DENND5A: variants seen among roughly 807,000 people sequenced by gnomAD.
DENND5A encodes the protein DENN domain containing 5A, also known as DENN domain-containing protein 5A.
In DENND5A, 64 loss-of-function variants were observed where a neutral mutation model predicts 140.3. The ratio of observed to expected loss-of-function variants is 0.46; its 90% CI spans 0.37 to 0.56. The LOEUF is 0.56. Among genes scored for constraint, DENND5A ranks in the 20% least tolerant of loss-of-function variants. The pLI is 0.00. For missense variants in DENND5A, 1,292 were observed against 1,593.8 expected (o/e 0.81, Z 3.22); for synonymous variants, 605 against 607.7 (o/e 1.00, Z 0.07).
intron 21 of DENND5A, 38 bp from the exon 22 acceptor site, chr11:9,142,146 T>C: frequency 6.5e-7 from 1 of 1,534,134 alleles, no homozygotes; most frequent in Non-Finnish European, 8.8e-7. Flanking sequence ...GAAAAGGCTC[T>C]CAACACCAAC....
intron 1 of DENND5A, among the ~76,000 whole-genome samples, chr11:9,258,277 TCCCCC>T: frequency 7.3e-6 from 1 of 136,730 alleles, no homozygotes; most frequent in Non-Finnish European, 1.6e-5. Context: ...CCTCCCCTAG[TCCCCC>T]ACCCCCCCAA....
intron 5 of DENND5A, 73 bp from the exon 6 acceptor site, chr11:9,181,157 T>C (rs1329441087): frequency 2.8e-6 from 4 of 1,408,532 alleles, no homozygotes; most frequent in Admixed American, 2.4e-5. Context: ...GAAAGGTTAG[T>C]GAACAAGAGG....
At chr11:9,244,877 G>A (rs924963706) in intron 1 of DENND5A, among the ~76,000 whole-genome samples, 38 of 151,534 alleles carry the variant, frequency 2.5e-4, no homozygotes, top group African/African-American at 8.2e-4. Flanking sequence ...GGGTTTCGCC[G>A]TGTTGCCGGG....
intron 1 of DENND5A, 136 bp downstream of exon 1, chr11:9,264,825 C>T: frequency 1.4e-6 from 1 of 707,314 alleles, no homozygotes; most frequent in South Asian, 1.8e-5. Flanking sequence ...AAGCCCCCTT[C>T]GCCCGCGCCC....
At chr11:9,259,215 G>A (rs373844749) in intron 1 of DENND5A, among the ~76,000 whole-genome samples, 6 of 151,880 alleles carry the variant, frequency 4.0e-5, no homozygotes, top group East Asian at 1.9e-4. Context: ...AGCTGAGGTC[G>A]TGCCATTGCA....
intron 1 of DENND5A, among the ~76,000 whole-genome samples, chr11:9,240,757 C>T (rs566221990): frequency 7.9e-5 from 12 of 151,870 alleles, no homozygotes; most frequent in Admixed American, 7.2e-4. Flanking sequence ...TGCCTTGTTT[C>T]AGTGTGCCTG....
chr11:9,222,933 A>G (rs1193004811), intron 1 of DENND5A, among the ~76,000 whole-genome samples: 3 of 152,238 alleles, frequency 2.0e-5, no homozygotes, highest in Non-Finnish European at 4.4e-5. Flanking sequence ...AGACATAGCT[A>G]TTAACTGCTA....
intron 7 of DENND5A, 63 bp from the exon 8 acceptor site, chr11:9,178,429 G>T: frequency 2.0e-6 from 2 of 993,612 alleles, no homozygotes; most frequent in Non-Finnish European, 3.1e-6. Flanking sequence ...GTGCCCAAGG[G>T]ATCCAGTAGG....
chr11:9,243,873 G>A (rs1403219750), intron 1 of DENND5A, among the ~76,000 whole-genome samples: 2 of 152,062 alleles, frequency 1.3e-5, no homozygotes, highest in Admixed American at 6.6e-5. Flanking sequence ...GCGACAGAAC[G>A]AGACTCCATC....
Position 9,203,847 on chromosome 11 carries a change from T to C in DENND5A, c.762A>G (p.Pro254=). The C allele has an allele frequency of 6.2e-7, 1 of 1,613,892 alleles. No homozygotes were observed. Among genetic ancestry groups the C allele is most frequent in the Non-Finnish European group, 8.5e-7 (1 of 1,179,978 alleles). The part of the protein sequence containing the change: ...IYNVLYEVPL[P]PPGRSLKFSG... ...AAAACTTCAAGGACCGGCCAGGAGG[T>C]GGGAGCGGCACCTCGTAGAGTACGT... The change falls in exon 4 of 23, where the codon CCA becomes CCG. Residue 254 remains proline, a synonymous_variant. Transcript: ENST00000328194.
intron 4 of DENND5A, among the ~76,000 whole-genome samples, chr11:9,194,475 G>GT (rs1225647112): frequency 6.6e-6 from 1 of 151,364 alleles, no homozygotes; most frequent in Non-Finnish European, 1.5e-5. Flanking sequence ...AGGCTGAGAC[G>GT]TAAGAATTGC....
intron 3 of DENND5A, 104 bp from the exon 4 acceptor site, chr11:9,204,421 G>A: frequency 9.0e-7 from 1 of 1,109,482 alleles, no homozygotes. Context: ...ACTAAGCTGA[G>A]CGTGTATCTG....
At chr11:9,216,171 T>C (rs1252188777) in intron 1 of DENND5A, among the ~76,000 whole-genome samples, 1 of 152,244 alleles carries the variant, frequency 6.6e-6, no homozygotes, top group Non-Finnish European at 1.5e-5. Context: ...TTAAACAATT[T>C]ACTGAGTCTT....
intron 6 of DENND5A, among the ~76,000 whole-genome samples, chr11:9,179,857 T>C (rs1848667505): frequency 6.6e-6 from 1 of 152,198 alleles, no homozygotes; most frequent in African/African-American, 2.4e-5. Flanking sequence ...CCCATGATTT[T>C]TGAAAAATAT....
chr11:9,256,462 GA>G lies in DENND5A; in HGVS notation c.109+8498del, dbSNP rs993454341. Reference sequence around the variant, plus strand: ...GCAACAAGAATGAAACTCTGTCTCAGAAAAAAAAAAGAAGAAAACAATCCAA... The same window carrying G: ...GCAACAAGAATGAAACTCTGTCTCAGAAAAAAAAAGAAGAAAACAATCCAA... On this transcript the variant is annotated intron_variant, in intron 1 of 22. Coordinates refer to ENST00000328194, the MANE Select transcript of DENND5A (RefSeq NM_015213.4). 6.6e-3 allele frequency among the ~76,000 whole-genome samples: 963 copies of G among 146,672 alleles called. 9 individuals carry two copies. Among genetic ancestry groups the G allele is most frequent in the African/African-American group, 0.022 (901 of 40,054 alleles).
At chr11:9,228,123 A>AAAC (rs113485381) in intron 1 of DENND5A, among the ~76,000 whole-genome samples, 15 of 151,404 alleles carry the variant, frequency 9.9e-5, no homozygotes, top group African/African-American at 2.7e-4. Context: ...AAAAAAAAAA[A>AAAC]AAAAAAAAAC....
At chr11:9,222,787 G>C (rs1590297241) in intron 1 of DENND5A, among the ~76,000 whole-genome samples, 1 of 152,182 alleles carries the variant, frequency 6.6e-6, no homozygotes, top group African/African-American at 2.4e-5. Flanking sequence ...AGCCTTGACT[G>C]AGGAAAAGCA....
At chr11:9,264,884 G>A in intron 1 of DENND5A, 77 bp downstream of exon 1, 2 of 1,305,030 alleles carry the variant, frequency 1.5e-6, no homozygotes, top group South Asian at 2.5e-5. Flanking sequence ...GACAAAGCGG[G>A]GCTGAAGGAA....
intron 1 of DENND5A, chr11:9,245,427 C>T (rs1261854666): frequency 6.7e-6 from 1 of 149,778 alleles, no homozygotes; most frequent in Non-Finnish European, 1.5e-5. Context: ...CCCATCTCTA[C>T]TAAAAATACA....
Sources: allele counts gnomAD v4.1 joint callset (sites outside exome capture counted in the v4.1 genomes callset), GRCh38; gene constraint gnomAD v4.1.1; transcripts MANE v1.5; gene names NCBI Gene and HGNC (gene_info 2026-07-23, HGNC 2026-07-21).